UBE2W: variants seen among roughly 807,000 people sequenced by gnomAD.
The protein encoded by UBE2W is ubiquitin conjugating enzyme E2 W.
UBE2W carries 18 observed loss-of-function variants against 27.2 expected under a neutral mutation model. The ratio of observed to expected loss-of-function variants is 0.66; its 90% confidence interval spans 0.46 to 0.98. The LOEUF is 0.98. UBE2W is among the 50% of genes least tolerant of loss of function. UBE2W has a pLI of 0.00. For synonymous variants in UBE2W, 53 were observed against 57.2 expected (o/e 0.93, Z 0.33); for missense variants, 90 against 180.2 (o/e 0.50, Z 2.87).
chr8:73,866,290 A>AAATATATATATATAT (rs1248216873), intron 1 of UBE2W, among the ~76,000 whole-genome samples: 4 of 43,090 alleles, frequency 9.3e-5, no homozygotes, highest in African/African-American at 2.0e-4. Context: ...AAAAAAAAAA[A>AAATATATATATATAT]ATATATATAT....
Position 73,790,562 on chromosome 8 carries a change from G to A in UBE2W, c.*3540C>T, listed in dbSNP as rs1808148066. 2.0e-6 allele frequency: 2 copies of A among 984,296 alleles called. No individual in the cohort carries two copies. The highest frequency in any genetic ancestry group is 3.5e-5 in the African/African-American group (2 of 57,308). 61.0% of individuals were successfully genotyped at this position (984,296 alleles called of 1,614,324 possible). A position where few individuals can be genotyped will look rare whatever the true frequency, so the allele number is the denominator to read the frequency against. On this transcript the variant is annotated 3_prime_UTR_variant, in exon 6 of 6. Transcript: ENST00000602593. Reference sequence around the variant, plus strand: ...CTAAGATATGTACAAAAAAATTAATGAAAGTGAGATCAAGAAATATAAGCA... The same window carrying A: ...CTAAGATATGTACAAAAAAATTAATAAAAGTGAGATCAAGAAATATAAGCA...
At chr8:73,830,965 G>A (rs1005406718) in intron 1 of UBE2W, among the ~76,000 whole-genome samples, 2 of 152,068 alleles carry the variant, frequency 1.3e-5, no homozygotes, top group Non-Finnish European at 2.9e-5. Flanking sequence ...ACAATCTATT[G>A]TCAAACTATT....
intron 1 of UBE2W, among the ~76,000 whole-genome samples, chr8:73,841,195 G>T (rs1469904184): frequency 6.6e-6 from 1 of 152,132 alleles, no homozygotes; most frequent in Non-Finnish European, 1.5e-5. Context: ...CTAATAAGTA[G>T]ATATTATTTT....
chr8:73,837,279 G>A (rs1810348030), intron 1 of UBE2W, among the ~76,000 whole-genome samples: 1 of 152,196 alleles, frequency 6.6e-6, no homozygotes, highest in Non-Finnish European at 1.5e-5. Context: ...CTGGGAGGCC[G>A]AGGCAGGTGC....
chr8:73,855,178 T>C (rs547615274), intron 1 of UBE2W, among the ~76,000 whole-genome samples: 1 of 152,298 alleles, frequency 6.6e-6, no homozygotes, highest in African/African-American at 2.4e-5. Context: ...GTTTGCAGTA[T>C]TGCACTAAAA....
intron 5 of UBE2W, among the ~76,000 whole-genome samples, chr8:73,801,344 T>C (rs938456079): frequency 1.3e-5 from 2 of 151,988 alleles, no homozygotes; most frequent in Non-Finnish European, 2.9e-5. Flanking sequence ...AAGGAAAAAA[T>C]AGGAATACCC....
chr8:73,781,327 T>C (rs1018033476), downstream of UBE2W, among the ~76,000 whole-genome samples: 3 of 150,912 alleles, frequency 2.0e-5, no homozygotes, highest in African/African-American at 2.4e-5. Flanking sequence ...TAATGGGCAA[T>C]TAACCCATAA....
chr8:73,818,063 C>A (rs1809466287), intron 3 of UBE2W, among the ~76,000 whole-genome samples: 1 of 152,198 alleles, frequency 6.6e-6, no homozygotes, highest in South Asian at 2.1e-4. Context: ...TCCTTTAAGG[C>A]CCAGTTCTAC....
chr8:73,783,640 C>A (rs1477813392), downstream of UBE2W, among the ~76,000 whole-genome samples: 1 of 152,224 alleles, frequency 6.6e-6, no homozygotes, highest in East Asian at 1.9e-4. Context: ...TCCCCACATC[C>A]CCAGCTCTGT....
chr8:73,848,698 A>G (rs576393595), intron 1 of UBE2W, among the ~76,000 whole-genome samples: 25 of 152,286 alleles, frequency 1.6e-4, no homozygotes, highest in Non-Finnish European at 2.6e-4. Flanking sequence ...TCTCAAAAGA[A>G]AAACAAAAAA....
At position 73,791,432 on chromosome 8, in the gene UBE2W, A is replaced by G; in HGVS notation, c.*2670T>C. The G allele has an allele frequency of 1.0e-6, 1 of 985,260 alleles. No homozygotes were observed. The highest frequency in any genetic ancestry group is 1.2e-6 in the Non-Finnish European group (1 of 829,794). 61.0% of individuals were successfully genotyped at this position (985,260 alleles called of 1,614,324 possible). ...GAGTGTACCTTATCTTCTAAGTATG[A>G]AAGTCTAATTCTGTAGGCCTATGTC... On this transcript the variant is annotated 3_prime_UTR_variant, in exon 6 of 6. Transcript: ENST00000602593.
chr8:73,809,070 A>G (rs41395444), intron 4 of UBE2W, among the ~76,000 whole-genome samples: 8,058 of 152,254 alleles, frequency 0.053, 685 homozygotes, highest in African/African-American at 0.18. Context: ...TAACAGGAAC[A>G]TAGAAGGCCT....
chr8:73,874,327 A>G (rs1456678008), intron 1 of UBE2W, among the ~76,000 whole-genome samples: 1 of 152,206 alleles, frequency 6.6e-6, no homozygotes, highest in Non-Finnish European at 1.5e-5. Flanking sequence ...GCTACGCGGG[A>G]GACTGAGGCA....
chr8:73,809,598 TTTC>T (rs1383887980), intron 4 of UBE2W, among the ~76,000 whole-genome samples: 1 of 152,186 alleles, frequency 6.6e-6, no homozygotes, highest in African/African-American at 2.4e-5. Context: ...TCATTATTAT[TTTC>T]TTGAGATGGA....
At chr8:73,842,528 CAAAAAAAAAAAAAAAAA>C (rs759063478) in intron 1 of UBE2W, among the ~76,000 whole-genome samples, 24 of 9,676 alleles carry the variant, frequency 2.5e-3, no homozygotes, top group Admixed American at 5.8e-3. Flanking sequence ...GACTCCGTCT[CAAAAAAAAAAAAAAAAA>C]AAAAAAAAAA....
chr8:73,870,207 C>A, intron 1 of UBE2W: 1 of 1,524,776 alleles, frequency 6.6e-7, no homozygotes, highest in South Asian at 1.2e-5. Context: ...TTTAATAGCT[C>A]ACAATTTTAT....
intron 4 of UBE2W, among the ~76,000 whole-genome samples, chr8:73,808,121 A>C (rs1808996427): frequency 6.6e-6 from 1 of 152,264 alleles, no homozygotes; most frequent in Non-Finnish European, 1.5e-5. Flanking sequence ...ACCTAAAGTA[A>C]AATATTTAAT....
chr8:73,838,281 T>C (rs996548331), intron 1 of UBE2W, among the ~76,000 whole-genome samples: 6 of 152,200 alleles, frequency 3.9e-5, no homozygotes, highest in African/African-American at 7.2e-5. Context: ...TATTCCTTTT[T>C]TTCCCCCCGG....
intron 1 of UBE2W, among the ~76,000 whole-genome samples, chr8:73,859,463 G>A (rs983336242): frequency 1.3e-5 from 2 of 152,160 alleles, no homozygotes; most frequent in African/African-American, 4.8e-5. Flanking sequence ...CTGAGATTGC[G>A]CCACTGCACT....
Sources: allele counts gnomAD v4.1 joint callset (sites outside exome capture counted in the v4.1 genomes callset), GRCh38; gene constraint gnomAD v4.1.1; transcripts MANE v1.5; gene names NCBI Gene and HGNC (gene_info 2026-07-23, HGNC 2026-07-21).